The following CDH4 variants were observed in gnomAD, a reference collection of about 807,000 sequenced individuals.
CDH4 encodes the protein cadherin 4.
A neutral mutation model predicts 86.0 loss-of-function variants in CDH4; 33 were observed. The ratio of observed to expected loss-of-function variants is 0.38; its 90% CI spans 0.29 to 0.51. The LOEUF is 0.51. Ranked by LOEUF, CDH4 falls within the 20% of genes least tolerant of loss-of-function variation. The pLI, the probability that CDH4 is intolerant of heterozygous loss-of-function variation, is 0.86. For missense variants in CDH4, 1,114 were observed against 1,307.4 expected (o/e 0.85, Z 2.28); for synonymous variants, 555 against 549.4 (o/e 1.01, Z -0.14).
At chr20:61,652,932 TTATTTA>T (rs1325283970) in intron 2 of CDH4, among the ~76,000 whole-genome samples, 1 of 120,824 alleles carries the variant, frequency 8.3e-6, no homozygotes. Context: ...ATTTATTTAT[TTATTTA>T]TTTTTTTTTT....
chr20:61,849,471 G>A (rs1017135702), intron 5 of CDH4, among the ~76,000 whole-genome samples: 22 of 152,152 alleles, frequency 1.4e-4, no homozygotes, highest in African/African-American at 4.3e-4. Context: ...TTTCTGCTCC[G>A]GGTCTCACCA....
chr20:61,348,749 G>C (rs755103404), intron 2 of CDH4, among the ~76,000 whole-genome samples: 20 of 152,202 alleles, frequency 1.3e-4, no homozygotes, highest in Non-Finnish European at 2.5e-4. Context: ...AAGTATAAAA[G>C]CTCTTGTCAC....
intron 7 of CDH4, among the ~76,000 whole-genome samples, chr20:61,877,567 G>T (rs577308282): frequency 3.9e-5 from 6 of 152,144 alleles, no homozygotes; most frequent in Non-Finnish European, 8.8e-5. Context: ...GCTTCTATCC[G>T]ACGGGAGGCC....
intron 7 of CDH4, among the ~76,000 whole-genome samples, chr20:61,888,163 C>G (rs1341145237): frequency 6.6e-6 from 1 of 152,196 alleles, no homozygotes; most frequent in South Asian, 2.1e-4. Context: ...CAGCCACATC[C>G]CTGCAGAGCC....
At chr20:61,887,636 G>A (rs527916500) in intron 7 of CDH4, among the ~76,000 whole-genome samples, 5 of 152,338 alleles carry the variant, frequency 3.3e-5, no homozygotes, top group African/African-American at 9.6e-5. Context: ...CACAGCCAGG[G>A]GTGGCTTCCA....
intron 4 of CDH4, among the ~76,000 whole-genome samples, chr20:61,823,649 T>C (rs1034288577): frequency 6.6e-6 from 1 of 152,310 alleles, no homozygotes; most frequent in Admixed American, 6.5e-5. Context: ...GCTCTTTGTA[T>C]CCCAAACCCA....
intron 2 of CDH4, chr20:61,738,520 C>T (rs2088292983): frequency 6.6e-6 from 1 of 152,172 alleles, no homozygotes; most frequent in Non-Finnish European, 1.5e-5. Context: ...TCTGCGGCTT[C>T]CCTGCAGAAC....
intron 2 of CDH4, among the ~76,000 whole-genome samples, chr20:61,697,859 G>A (rs111817860): frequency 2.5e-4 from 38 of 152,208 alleles, no homozygotes; most frequent in African/African-American, 8.7e-4. Context: ...CCCAGGAGAC[G>A]CTTCTACCCA....
At chr20:61,672,569 G>C (rs73915319) in intron 2 of CDH4, among the ~76,000 whole-genome samples, 2,227 of 152,304 alleles carry the variant, frequency 0.015, 51 homozygotes, top group African/African-American at 0.05. Flanking sequence ...TGTGAGAAAT[G>C]AGGTGTGATT....
chr20:61,363,249 T>G (rs2084794032), intron 2 of CDH4, among the ~76,000 whole-genome samples: 1 of 152,222 alleles, frequency 6.6e-6, no homozygotes, highest in Non-Finnish European at 1.5e-5. Context: ...TTCATTCATT[T>G]ATCCATTTGC....
At chr20:61,491,278 A>G (rs780266542) in intron 2 of CDH4, among the ~76,000 whole-genome samples, 2 of 152,206 alleles carry the variant, frequency 1.3e-5, no homozygotes, top group Non-Finnish European at 2.9e-5. Flanking sequence ...CAACATGCCC[A>G]GTTCCACACA....
chr20:61,304,341 G>T (rs929810865), intron 2 of CDH4, among the ~76,000 whole-genome samples: 1 of 150,342 alleles, frequency 6.7e-6, no homozygotes, highest in Non-Finnish European at 1.5e-5. Flanking sequence ...GCCAGTTTTT[G>T]TTATTTTACT....
intron 2 of CDH4, among the ~76,000 whole-genome samples, chr20:61,542,215 T>C (rs1288291824): frequency 2.0e-5 from 3 of 152,186 alleles, no homozygotes; most frequent in African/African-American, 4.8e-5. Flanking sequence ...CCATCCTGAC[T>C]GATAGAGGCT....
At chr20:61,541,310 A>G (rs1232060273) in intron 2 of CDH4, among the ~76,000 whole-genome samples, 2 of 152,234 alleles carry the variant, frequency 1.3e-5, no homozygotes, top group Non-Finnish European at 2.9e-5. Flanking sequence ...CACATCTCCA[A>G]GCAAGGACGA....
Position 61,726,128 on chromosome 20 carries a change from CG to C in CDH4, c.170-17428del, listed in dbSNP as rs370034832. ...GGAGAGCATGGCATGGGGATAGTCTCGGGGGGGACTGTGGTGAACCCTCTCC... is the reference window on the plus strand; with the variant it reads ...GGAGAGCATGGCATGGGGATAGTCTCGGGGGGACTGTGGTGAACCCTCTCC... On this transcript the variant is annotated intron_variant, in intron 2 of 15. Transcript: ENST00000614565. 4.7e-3 allele frequency among the ~76,000 whole-genome samples: 720 copies of C among 152,072 alleles called. 5 individuals carry two copies. Among genetic ancestry groups the C allele is most frequent in the African/African-American group, 0.016 (662 of 41,464 alleles).
rs561663013 is a variant in CDH4, at chr20:61,584,799, G to A, written c.170-158764G>A. Among the ~76,000 whole-genome samples the A allele has an allele frequency of 7.2e-4, 110 of 152,312 alleles. 3 individuals carry two copies. In the South Asian group the frequency reaches 0.022, roughly 31 times the overall value. On this transcript the variant is annotated intron_variant, in intron 2 of 15. Transcript: ENST00000614565. ...GAAGCAGGGACCCAGAGCCTGCAGG[G>A]GGCTGACAGCTGCGAGGCTAACGCA...
chr20:61,712,363 C>A (rs946627134), intron 2 of CDH4, among the ~76,000 whole-genome samples: 1 of 152,164 alleles, frequency 6.6e-6, no homozygotes. Context: ...AGAGAGATGG[C>A]AGTCAGGGAC....
intron 2 of CDH4, among the ~76,000 whole-genome samples, chr20:61,666,024 C>G (rs1363081669): frequency 6.6e-6 from 1 of 152,166 alleles, no homozygotes; most frequent in Non-Finnish European, 1.5e-5. Flanking sequence ...CTGACCCTGG[C>G]CATCCCATAC....
intron 6 of CDH4, among the ~76,000 whole-genome samples, chr20:61,866,797 C>T (rs943473991): frequency 2.6e-5 from 4 of 152,164 alleles, no homozygotes; most frequent in Admixed American, 1.3e-4. Flanking sequence ...AAAAGTGTGT[C>T]ATTTGGCCTT....
Sources: allele counts gnomAD v4.1 joint callset (sites outside exome capture counted in the v4.1 genomes callset), GRCh38; gene constraint gnomAD v4.1.1; transcripts MANE v1.5; gene names NCBI Gene and HGNC (gene_info 2026-07-23, HGNC 2026-07-21).